The following MYO7A variants were observed in gnomAD, a reference collection of about 807,000 sequenced individuals.
MYO7A encodes the protein unconventional myosin-VIIa.
Under a neutral mutation model 263.8 loss-of-function variants are expected in MYO7A, and 210 were observed. The ratio of observed to expected loss-of-function variants is 0.80; its 90% CI spans 0.71 to 0.89. The LOEUF (loss-of-function observed/expected upper bound fraction) is 0.89. Ranked by LOEUF, MYO7A falls within the 40% of genes least tolerant of loss-of-function variation. MYO7A has a pLI of 0.00. For synonymous variants in MYO7A, 1,239 were observed against 1,197.3 expected (o/e 1.03, Z -0.72); for missense variants, 2,820 against 2,968.3 (o/e 0.95, Z 1.16).
chr11:77,162,616 A>G (rs1555069864), intron 13 of MYO7A, among the ~76,000 whole-genome samples: 1 of 152,170 alleles, frequency 6.6e-6, no homozygotes, highest in Non-Finnish European at 1.5e-5. Context: ...GATTGCACCC[A>G]TGATTTTAAT....
At chr11:77,135,913 C>T (rs1401551553) in intron 2 of MYO7A, among the ~76,000 whole-genome samples, 1 of 152,072 alleles carries the variant, frequency 6.6e-6, no homozygotes, top group East Asian at 1.9e-4. Flanking sequence ...CAGTCCTATG[C>T]CTATGTTTGT....
At chr11:77,160,652 G>A (rs1952907358) in intron 11 of MYO7A, among the ~76,000 whole-genome samples, 1 of 152,190 alleles carries the variant, frequency 6.6e-6, no homozygotes, top group African/African-American at 2.4e-5. Context: ...CCCTGGGCTG[G>A]GTTCGGGGAC....
intron 3 of MYO7A, among the ~76,000 whole-genome samples, chr11:77,145,817 T>TC (rs1461569477): frequency 6.6e-6 from 1 of 151,882 alleles, no homozygotes; most frequent in African/African-American, 2.4e-5. Flanking sequence ...CAGCCCCTAA[T>TC]CCCCCTGAGG....
chr11:77,173,977 G>C (rs904679450), intron 16 of MYO7A, among the ~76,000 whole-genome samples: 2 of 151,980 alleles, frequency 1.3e-5, no homozygotes, highest in African/African-American at 4.8e-5. Flanking sequence ...TGTGGACTGG[G>C]CCTTGGCAAT....
chr11:77,146,425 C>T (rs1951570226), intron 3 of MYO7A, among the ~76,000 whole-genome samples: 1 of 152,128 alleles, frequency 6.6e-6, no homozygotes, highest in Admixed American at 6.5e-5. Context: ...ATGGGGACAG[C>T]AAGAGGCCGG....
At chr11:77,175,176 A>G (rs1279597787) in intron 17 of MYO7A, among the ~76,000 whole-genome samples, 196 bp from the exon 18 acceptor site, 3 of 152,154 alleles carry the variant, frequency 2.0e-5, no homozygotes, top group Non-Finnish European at 4.4e-5. Flanking sequence ...GTTGTGAGAA[A>G]GGGTTTTGCA....
chr11:77,168,971 A>T (rs1953827066), intron 15 of MYO7A, among the ~76,000 whole-genome samples: 1 of 152,218 alleles, frequency 6.6e-6, no homozygotes, highest in Non-Finnish European at 1.5e-5. Context: ...CTTTTTAAAA[A>T]ATAATTTTAA....
In MYO7A at chr11:77,149,601, T is replaced by C. The variant is rs559609160; in HGVS notation, c.285+1651T>C. On this transcript the variant is annotated intron_variant, in intron 4 of 48. Coordinates refer to ENST00000409709, the MANE Select transcript of MYO7A (RefSeq NM_000260.4). Reference sequence around the variant, plus strand: ...CTCTCAGGGCCAGGGGTCCAGTCCCTCTCAGGAGCCCTGGAATTACGGCCC... The same window carrying C: ...CTCTCAGGGCCAGGGGTCCAGTCCCCCTCAGGAGCCCTGGAATTACGGCCC... Among the ~76,000 whole-genome samples, 6 of 152,158 alleles carry C rather than the reference T, an allele frequency of 3.9e-5. No homozygotes were observed. The South Asian group carries it at 1.0e-3, about 26-fold the overall frequency.
At chr11:77,141,186 T>C (rs1456861611) in intron 2 of MYO7A, among the ~76,000 whole-genome samples, 3 of 152,230 alleles carry the variant, frequency 2.0e-5, no homozygotes, top group African/African-American at 4.8e-5. Flanking sequence ...TATGTTTGCA[T>C]AGAACTTATC....
chr11:77,130,038 C>A (rs902743078), intron 1 of MYO7A, among the ~76,000 whole-genome samples: 6 of 151,856 alleles, frequency 4.0e-5, no homozygotes, highest in African/African-American at 1.2e-4. Context: ...ACCCCAATGA[C>A]CCTGCCTCCC....
chr11:77,145,103 T>C (rs1180201022), intron 3 of MYO7A, among the ~76,000 whole-genome samples: 7 of 152,192 alleles, frequency 4.6e-5, no homozygotes, highest in African/African-American at 1.4e-4. Context: ...GTGCAGCTAC[T>C]GGGCAAGTCA....
chr11:77,210,747 A>G (rs1423928665), intron 44 of MYO7A: 2 of 159,848 alleles, frequency 1.3e-5, no homozygotes, highest in Admixed American at 1.3e-4. Flanking sequence ...TGGTCTCAAG[A>G]GAACCCAATG....
At chr11:77,158,765 A>G (rs968754169) in intron 9 of MYO7A, among the ~76,000 whole-genome samples, 1 of 152,062 alleles carries the variant, frequency 6.6e-6, no homozygotes, top group Admixed American at 6.6e-5. Flanking sequence ...GAACTAATTC[A>G]CTCTAAGGTG....
chr11:77,158,446 A>C lies in MYO7A; in HGVS notation c.1003+16A>C, dbSNP rs782409557. 3 of 1,606,662 alleles carry C rather than the reference A, an allele frequency of 1.9e-6. No homozygotes were observed. The highest frequency in any genetic ancestry group is 2.5e-6 in the Non-Finnish European group (3 of 1,177,546). ...CAGTATGAGGGTGAGGCTGCGCCAC[A>C]CTCGCCCTGCCCCACCCCTGCGCCA... is the stretch of plus-strand genomic sequence containing the variant. On this transcript the variant is annotated intron_variant, in intron 9 of 48. Transcript: ENST00000409709.
At chr11:77,192,380 T>TCACCCC in intron 31 of MYO7A, 102 bp downstream of exon 31, 3 of 1,241,594 alleles carry the variant, frequency 2.4e-6, no homozygotes, top group Non-Finnish European at 3.5e-6. Flanking sequence ...TAGCTCAGGC[T>TCACCCC]GGGGTGAGCC....
chr11:77,150,795 G>A (rs1490377274), intron 4 of MYO7A, among the ~76,000 whole-genome samples: 1 of 152,098 alleles, frequency 6.6e-6, no homozygotes, highest in Non-Finnish European at 1.5e-5. Context: ...AAGAACTGTG[G>A]GATTCAAAGA....
intron 36 of MYO7A, 124 bp downstream of exon 36, chr11:77,201,762 G>A: frequency 8.8e-7 from 1 of 1,142,054 alleles, no homozygotes; most frequent in East Asian, 2.6e-5. Context: ...GGGATCTTAT[G>A]GGACACACAT....
At position 77,192,113 on chromosome 11, in the gene MYO7A, C is replaced by T. The variant is rs560284703; in HGVS notation, c.3987C>T (p.Tyr1329=). The T allele has an allele frequency of 2.6e-5, 42 of 1,613,912 alleles. No homozygotes were observed. The highest frequency in any genetic ancestry group is 3.3e-4 in the Middle Eastern group (2 of 6,062). ...VMDAISQCEQ[Y]AKEQGAQERN... ...ACGCCATCTCCCAGTGCGAGCAGTA[C>T]GCCAAGGAGCAGGGCGCCCAGGAGC... The change falls in exon 31 of 49, where the codon TAC becomes TAT. Residue 1329 remains tyrosine (Y), a synonymous_variant. Coordinates refer to ENST00000409709, the MANE Select transcript of MYO7A (RefSeq NM_000260.4).
At chr11:77,207,152 C>T (rs1300061099) in intron 41 of MYO7A, 137 bp from the exon 42 acceptor site, 5 of 597,238 alleles carry the variant, frequency 8.4e-6, no homozygotes, top group Non-Finnish European at 8.8e-6. Flanking sequence ...TGTTAAATGC[C>T]ATGCCCAGCT....
Sources: allele counts gnomAD v4.1 joint callset (sites outside exome capture counted in the v4.1 genomes callset), GRCh38; gene constraint gnomAD v4.1.1; transcripts MANE v1.5; gene names NCBI Gene and HGNC (gene_info 2026-07-23, HGNC 2026-07-21).